Variants in PPP1R9A observed in about 807,000 individuals in gnomAD.
PPP1R9A encodes neurabin-1.
A neutral mutation model predicts 141.9 loss-of-function variants in PPP1R9A; 59 were observed. The observed-to-expected ratio is 0.42, with a 90% confidence interval of 0.34 to 0.52. PPP1R9A has a LOEUF of 0.52. PPP1R9A is among the 20% of genes least tolerant of loss of function. The pLI is 0.10. For missense variants in PPP1R9A, 1,444 were observed against 1,611.9 expected, an observed-to-expected ratio of 0.90 and a Z score of 1.78; for synonymous variants, 500 against 569.7, an observed-to-expected ratio of 0.88 and a Z score of 1.74.
chr7:95,278,276 GAT>G (rs1249095585), intron 16 of PPP1R9A, among the ~76,000 whole-genome samples: 2 of 152,108 alleles, frequency 1.3e-5, no homozygotes, highest in African/African-American at 2.4e-5. Context: ...TCTATATTGG[GAT>G]ATGTGTAGGA....
intron 14 of PPP1R9A, among the ~76,000 whole-genome samples, chr7:95,271,069 G>T (rs915209342): frequency 7.2e-5 from 11 of 152,180 alleles, no homozygotes; most frequent in African/African-American, 2.6e-4. Context: ...GGGAATAGCG[G>T]GTAAAGTGAT....
At chr7:95,012,499 C>T (rs1804566609) in intron 2 of PPP1R9A, among the ~76,000 whole-genome samples, 1 of 152,126 alleles carries the variant, frequency 6.6e-6, no homozygotes. Flanking sequence ...GACACAGATC[C>T]AAACCATATC....
At chr7:94,927,238 A>G (rs1793594415) in intron 2 of PPP1R9A, among the ~76,000 whole-genome samples, 1 of 152,194 alleles carries the variant, frequency 6.6e-6, no homozygotes, top group Admixed American at 6.5e-5. Context: ...TTGAAGTAGA[A>G]GAATCTTAGT....
intron 2 of PPP1R9A, among the ~76,000 whole-genome samples, chr7:95,102,410 T>C (rs578125465): frequency 2.6e-5 from 4 of 152,280 alleles, no homozygotes; most frequent in Non-Finnish European, 5.9e-5. Context: ...GTGATAAGAA[T>C]TTTGATTAGG....
chr7:95,108,353 A>G (rs1335116255), intron 2 of PPP1R9A, among the ~76,000 whole-genome samples: 9 of 109,388 alleles, frequency 8.2e-5, no homozygotes, highest in Admixed American at 1.5e-4. Context: ...TCGCTCTGTC[A>G]CCCAGGCTGG....
intron 7 of PPP1R9A, among the ~76,000 whole-genome samples, chr7:95,220,408 C>T (rs895938591): frequency 6.6e-6 from 1 of 151,950 alleles, no homozygotes; most frequent in Non-Finnish European, 1.5e-5. Context: ...ATTTAGTTTC[C>T]CTGAATTTAC....
chr7:95,180,397 T>C (rs894202225), intron 5 of PPP1R9A, among the ~76,000 whole-genome samples: 1 of 151,552 alleles, frequency 6.6e-6, no homozygotes, highest in African/African-American at 2.4e-5. Context: ...TTAAGGACTT[T>C]AAGAGCCAAA....
chr7:95,147,730 C>T (rs1305859356), intron 4 of PPP1R9A, among the ~76,000 whole-genome samples: 3 of 152,090 alleles, frequency 2.0e-5, no homozygotes, highest in Non-Finnish European at 4.4e-5. Flanking sequence ...TATCGAAGGC[C>T]TTTTCCACAT....
At chr7:94,942,141 C>G (rs1186083251) in intron 2 of PPP1R9A, among the ~76,000 whole-genome samples, 1 of 152,104 alleles carries the variant, frequency 6.6e-6, no homozygotes, top group African/African-American at 2.4e-5. Context: ...TCCCACTTCT[C>G]TCTTCTCAGT....
rs141806970 is a variant in PPP1R9A, at chr7:95,165,560, C to T, written c.1754+3589C>T. Among the ~76,000 whole-genome samples the T allele has an allele frequency of 6.1e-3, 929 of 152,324 alleles. 11 individuals carry two copies. Among genetic ancestry groups the T allele is most frequent in the African/African-American group, 0.022 (898 of 41,562 alleles). On this transcript the variant is annotated intron_variant, in intron 5 of 19. Transcript: ENST00000433360. ...AGCCACAATTGAACAGACAAGCCTT[C>T]CTTGAATTCTTGACTCACAGAAACT...
chr7:94,922,353 C>T (rs1792956611), intron 2 of PPP1R9A, among the ~76,000 whole-genome samples: 1 of 151,874 alleles, frequency 6.6e-6, no homozygotes, highest in African/African-American at 2.4e-5. Context: ...ATAATTTCTA[C>T]TTGATATATT....
At chr7:95,080,456 A>C (rs1306321871) in intron 2 of PPP1R9A, among the ~76,000 whole-genome samples, 1 of 152,220 alleles carries the variant, frequency 6.6e-6, no homozygotes, top group Non-Finnish European at 1.5e-5. Flanking sequence ...AAAGAAATGG[A>C]AGAACATTCC....
chr7:95,191,999 C>T (rs1835574564), intron 5 of PPP1R9A, among the ~76,000 whole-genome samples: 1 of 151,966 alleles, frequency 6.6e-6, no homozygotes, highest in African/African-American at 2.4e-5. Flanking sequence ...TTATTGCTGA[C>T]TATTGTTATA....
intron 5 of PPP1R9A, among the ~76,000 whole-genome samples, chr7:95,191,176 A>C (rs1426804962): frequency 6.6e-6 from 1 of 152,176 alleles, no homozygotes; most frequent in Non-Finnish European, 1.5e-5. Flanking sequence ...CACGTAATCT[A>C]GATACCTACA....
At chr7:95,288,754 A>G (rs1167943789) in intron 19 of PPP1R9A, 36 bp downstream of exon 19, 8 of 1,599,344 alleles carry the variant, frequency 5.0e-6, no homozygotes, top group Non-Finnish European at 8.5e-7. Context: ...GTTACCAGGT[A>G]TAATTTGTAT....
chr7:95,147,796 G>A (rs138975658), intron 4 of PPP1R9A, among the ~76,000 whole-genome samples: 1 of 152,244 alleles, frequency 6.6e-6, no homozygotes, highest in African/African-American at 2.4e-5. Context: ...GATGGATTAT[G>A]TTTATTGATT....
At chr7:94,934,255 G>A (rs1433101948) in intron 2 of PPP1R9A, among the ~76,000 whole-genome samples, 4 of 152,134 alleles carry the variant, frequency 2.6e-5, no homozygotes, top group Admixed American at 1.3e-4. Context: ...CAGTTAATGT[G>A]TCTTCCCTGT....
intron 4 of PPP1R9A, among the ~76,000 whole-genome samples, chr7:95,128,368 T>C (rs923501028): frequency 6.6e-6 from 1 of 152,202 alleles, no homozygotes; most frequent in African/African-American, 2.4e-5. Flanking sequence ...TTATTTGTTT[T>C]TCACTTGTTC....
At chr7:94,916,393 T>C (rs561114556) in intron 2 of PPP1R9A, among the ~76,000 whole-genome samples, 2 of 152,352 alleles carry the variant, frequency 1.3e-5, no homozygotes, top group South Asian at 2.1e-4. Flanking sequence ...GAATATGAAT[T>C]TGAAGTACAA....
Sources: allele counts gnomAD v4.1 joint callset (sites outside exome capture counted in the v4.1 genomes callset), GRCh38; gene constraint gnomAD v4.1.1; transcripts MANE v1.5; gene names NCBI Gene and HGNC (gene_info 2026-07-23, HGNC 2026-07-21).